DIAPH2: variants seen among roughly 807,000 people sequenced by gnomAD.
DIAPH2 encodes diaphanous related formin 2, also known as protein diaphanous homolog 2.
DIAPH2 carries 35 observed loss-of-function variants against 92.7 expected under a neutral mutation model. The observed-to-expected ratio is 0.38, with a 90% CI of 0.29 to 0.50. The LOEUF is 0.50. Ranked by LOEUF, DIAPH2 falls within the 20% of genes least tolerant of loss-of-function variation. The pLI is 0.94. For synonymous variants in DIAPH2, 301 were observed against 280.4 expected, an observed-to-expected ratio of 1.07 and a Z score of -0.73; for missense variants, 701 against 819.5, an observed-to-expected ratio of 0.86 and a Z score of 1.77.
At chrX:97,336,338 G>C (rs1180954610) in intron 23 of DIAPH2, among the ~76,000 whole-genome samples, 1 of 103,487 alleles carries the variant, frequency 9.7e-6, no homozygotes, top group African/African-American at 3.6e-5. Context: ...TCCGCCTCCC[G>C]GGTTCACGCC....
At chrX:96,737,011 C>A (rs892697530) in intron 2 of DIAPH2, among the ~76,000 whole-genome samples, 9 of 111,705 alleles carry the variant, frequency 8.1e-5, no homozygotes, top group African/African-American at 2.6e-4. Context: ...TACTATATAA[C>A]TAAACCAACT....
intron 23 of DIAPH2, among the ~76,000 whole-genome samples, chrX:97,249,225 C>T (rs2068166993): frequency 9.0e-6 from 1 of 111,662 alleles, no homozygotes; most frequent in African/African-American, 3.3e-5. Context: ...AGCCACACAA[C>T]AGCTTGCAAC....
At chrX:97,543,728 ACTC>A (rs2071158774) in intron 26 of DIAPH2, among the ~76,000 whole-genome samples, 1 of 109,680 alleles carries the variant, frequency 9.1e-6, no homozygotes, top group Non-Finnish European at 1.9e-5. Flanking sequence ...CTGGTCTCAA[ACTC>A]CTGACCTCAA....
intron 23 of DIAPH2, among the ~76,000 whole-genome samples, chrX:97,334,523 T>C (rs73550360): frequency 0.086 from 9,318 of 107,927 alleles, 622 homozygotes; most frequent in African/African-American, 0.23. Context: ...TCATGCTATT[T>C]TCATTGCCTG....
intron 23 of DIAPH2, among the ~76,000 whole-genome samples, chrX:97,330,349 G>GC: frequency 9.1e-6 from 1 of 109,387 alleles, no homozygotes; most frequent in African/African-American, 3.3e-5. Flanking sequence ...TCACCCCTCA[G>GC]CCCCTGGTAG....
intron 23 of DIAPH2, among the ~76,000 whole-genome samples, chrX:97,257,412 A>T (rs1400466986): frequency 8.9e-6 from 1 of 111,892 alleles, no homozygotes; most frequent in East Asian, 2.8e-4. Context: ...GACAAAGGGC[A>T]TGAGTAACTG....
chrX:97,386,531 G>A (rs2069602473), intron 25 of DIAPH2, among the ~76,000 whole-genome samples: 1 of 110,480 alleles, frequency 9.1e-6, no homozygotes, highest in African/African-American at 3.3e-5. Flanking sequence ...AGCCAGGCGT[G>A]GTGGTGCGCA....
intron 22 of DIAPH2, among the ~76,000 whole-genome samples, chrX:97,236,833 C>T (rs1001382644): frequency 6.3e-5 from 7 of 111,365 alleles, no homozygotes; most frequent in East Asian, 2.8e-4. Context: ...CGTGAACCAC[C>T]GCGCCCGGCG....
chrX:97,121,947 A>C (rs1480223650), intron 21 of DIAPH2, among the ~76,000 whole-genome samples: 1 of 111,746 alleles, frequency 8.9e-6, no homozygotes, highest in Non-Finnish European at 1.9e-5. Context: ...CATTTTGCAA[A>C]TTAGAAAACT....
At chrX:97,061,499 A>G (rs1389408200) in intron 17 of DIAPH2, among the ~76,000 whole-genome samples, 1 of 111,662 alleles carries the variant, frequency 9.0e-6, no homozygotes. Flanking sequence ...GTGTGTGTGT[A>G]TAGCAAGCAA....
intron 23 of DIAPH2, among the ~76,000 whole-genome samples, chrX:97,335,851 C>T (rs2069053309): frequency 9.0e-6 from 1 of 111,406 alleles, no homozygotes; most frequent in Non-Finnish European, 1.9e-5. Context: ...GAAATCTGAT[C>T]CTACCACTTC....
At chrX:97,496,149 A>G (rs761590639) in intron 26 of DIAPH2, among the ~76,000 whole-genome samples, 2 of 106,371 alleles carry the variant, frequency 1.9e-5, no homozygotes, top group Non-Finnish European at 3.9e-5. Context: ...GATCAAGGGT[A>G]ACAAATTTGA....
intron 4 of DIAPH2, among the ~76,000 whole-genome samples, chrX:96,774,505 G>A (rs1008590778): frequency 8.1e-5 from 9 of 111,643 alleles, no homozygotes; most frequent in African/African-American, 2.6e-4. Context: ...TGACTCTGCC[G>A]ATATGGTCTT....
intron 4 of DIAPH2, among the ~76,000 whole-genome samples, chrX:96,794,714 GT>G (rs2064526216): frequency 8.9e-6 from 1 of 111,737 alleles, no homozygotes; most frequent in African/African-American, 3.3e-5. Context: ...GATTGTATTA[GT>G]TTTCTGGGGC....
intron 17 of DIAPH2, among the ~76,000 whole-genome samples, chrX:97,047,514 G>A (rs1432811952): frequency 1.2e-5 from 1 of 82,257 alleles, no homozygotes; most frequent in Non-Finnish European, 2.2e-5. Flanking sequence ...AGATATACAA[G>A]TTAAAACAGC....
In DIAPH2 at chrX:96,777,786, T is replaced by C. The variant is rs1183744106; in HGVS notation, c.447+19528T>C. On this transcript the variant is annotated intron_variant, in intron 4 of 26. Transcript: ENST00000324765. ...TTTTTATATATAACAAATTAACTAT[T>C]TGAAATGAGTTAAAACAAGATTGAT... Among the ~76,000 whole-genome samples, 5 of 111,825 alleles carry C rather than the reference T, an allele frequency of 4.5e-5. No individual in the cohort carries two copies. The Admixed American group carries it at 4.8e-4, about 11-fold the overall frequency.
At chrX:97,431,601 C>A (rs894371531) in intron 26 of DIAPH2, 1 of 112,558 alleles carries the variant, frequency 8.9e-6, no homozygotes, top group Non-Finnish European at 1.9e-5. Flanking sequence ...ATTGGGATTT[C>A]CTTTGGTTTG....
At chrX:97,259,536 C>T (rs947056165) in intron 23 of DIAPH2, among the ~76,000 whole-genome samples, 1 of 111,853 alleles carries the variant, frequency 8.9e-6, no homozygotes, top group East Asian at 2.8e-4. Flanking sequence ...CCAGCCACCA[C>T]ATGGTATTTG....
At chrX:97,514,776 G>A (rs183336796) in intron 26 of DIAPH2, among the ~76,000 whole-genome samples, 479 of 109,585 alleles carry the variant, frequency 4.4e-3, no homozygotes, top group Non-Finnish European at 6.1e-3. Flanking sequence ...GCAGTGTGTG[G>A]TGTCAGTGTG....
Sources: gnomAD v4.1 joint callset for allele counts (sites outside exome capture counted in the v4.1 genomes callset) on GRCh38, gnomAD v4.1.1 for gene constraint, MANE v1.5 for transcripts, NCBI Gene and HGNC (gene_info 2026-07-23, HGNC 2026-07-21) for gene names.